The following SMU1 variants were observed in gnomAD, a reference collection of about 807,000 sequenced individuals.
SMU1 encodes SMU1 DNA replication regulator and spliceosomal factor, also known as WD40 repeat-containing protein SMU1.
A neutral mutation model predicts 62.0 loss-of-function variants in SMU1; 2 were observed. The ratio of observed to expected loss-of-function variants is 0.03; its 90% CI spans 0.01 to 0.10. The LOEUF is 0.10. Among genes scored for constraint, SMU1 ranks in the 10% least tolerant of loss-of-function variants. The pLI, the probability that SMU1 is intolerant of heterozygous loss-of-function variation, is 1.00. For missense variants in SMU1, 227 were observed against 622.1 expected, an observed-to-expected ratio of 0.36 and a Z score of 6.76; for synonymous variants, 188 against 212.4, an observed-to-expected ratio of 0.89 and a Z score of 1.00.
At chr9:33,075,471 C>A (rs1839535894) in intron 1 of SMU1, among the ~76,000 whole-genome samples, 1 of 152,116 alleles carries the variant, frequency 6.6e-6, no homozygotes, top group Non-Finnish European at 1.5e-5. Context: ...ACTTAGACCC[C>A]TGTTATTCTG....
rs546369765 is a variant in SMU1, at chr9:33,063,397, AATAAT to A, written c.502-1225_502-1221del. Reference sequence around the variant, plus strand: ...GCCTAATTCATAGAGGATAAAACAAAATAATATAAGTGAAGCCTGTATAATAAGCA... The same window carrying A: ...GCCTAATTCATAGAGGATAAAACAAAATAAGTGAAGCCTGTATAATAAGCA... On this transcript the variant is annotated intron_variant, in intron 4 of 11. Coordinates refer to ENST00000397149, the MANE Select transcript of SMU1 (RefSeq NM_018225.3). Among the ~76,000 whole-genome samples the A allele has an allele frequency of 3.3e-3, 505 of 152,324 alleles. 1 individual carries two copies. The highest frequency in any genetic ancestry group is 0.011 in the African/African-American group (476 of 41,580).
intron 4 of SMU1, among the ~76,000 whole-genome samples, chr9:33,063,837 T>G (rs1839390643): frequency 1.3e-5 from 2 of 151,614 alleles, no homozygotes; most frequent in Non-Finnish European, 2.9e-5. Flanking sequence ...GAAACCAGTC[T>G]TTGGTGCCAA....
Position 33,062,159 on chromosome 9 carries a change from G to A in SMU1, c.520C>T (p.His174Tyr). The part of the protein sequence containing the change: ...LLGQALKWQQ[H>Y]QGLLPPGMTI... ...ATACCAGGAGGAAGCAATCCCTGATGCTGCTGCCACTTCAGTGCCTATGAG... is the reference window on the plus strand; with the variant it reads ...ATACCAGGAGGAAGCAATCCCTGATACTGCTGCCACTTCAGTGCCTATGAG... Residue 174 changes from histidine to tyrosine, a missense_variant, in exon 5 of 12, where the codon CAT (histidine) becomes TAT (tyrosine). Physicochemically the swap from His to Tyr is moderately conservative, Grantham distance 83 (BLOSUM62 2). Around this residue, in one of 5 missense-constraint regions of SMU1, gnomAD observed 99 missense variants for 270.3 expected, o/e 0.37. Coordinates refer to ENST00000397149, the MANE Select transcript of SMU1 (RefSeq NM_018225.3). 1.2e-6 allele frequency: 2 copies of A among 1,613,450 alleles called. No individual in the cohort carries two copies. Among genetic ancestry groups the A allele is most frequent in the Non-Finnish European group, 1.7e-6 (2 of 1,179,702 alleles).
rs1564017788 is a variant in SMU1 at position 33,044,260 on chromosome 9, C to G, written c.*3033G>C. 6.6e-6 allele frequency: 1 copy of G among 152,456 alleles called. No homozygotes were observed. Among genetic ancestry groups the G allele is most frequent in the Non-Finnish European group, 1.5e-5 (1 of 68,092 alleles). 9.4% of individuals were successfully genotyped at this position (152,456 alleles called of 1,614,324 possible). A position where few individuals can be genotyped will look rare whatever the true frequency, so the allele number is the denominator to read the frequency against. On this transcript the variant is annotated 3_prime_UTR_variant, in exon 12 of 12. Coordinates refer to ENST00000397149, the MANE Select transcript of SMU1 (RefSeq NM_018225.3). Reference sequence around the variant, plus strand: ...GAGCACTGATTCCCGGCAGCCAACTCCCGTTCGCGCAGCCGCTGCCACCGG... The same window carrying G: ...GAGCACTGATTCCCGGCAGCCAACTGCCGTTCGCGCAGCCGCTGCCACCGG...
chr9:33,062,452 T>C (rs1839373698), intron 4 of SMU1, among the ~76,000 whole-genome samples: 1 of 152,140 alleles, frequency 6.6e-6, no homozygotes, highest in Admixed American at 6.6e-5. Flanking sequence ...TAAACAAAAC[T>C]TGGAAAACAA....
At chr9:33,072,364 C>T (rs1490834478) in intron 2 of SMU1, among the ~76,000 whole-genome samples, 1 of 151,966 alleles carries the variant, frequency 6.6e-6, no homozygotes. Context: ...AATTTCAATC[C>T]TTCAAACTCT....
chr9:33,074,811 G>A (rs954962265), intron 1 of SMU1, among the ~76,000 whole-genome samples: 7 of 142,492 alleles, frequency 4.9e-5, no homozygotes, highest in African/African-American at 1.3e-4. Context: ...CACTTGCATC[G>A]CTCAGGCTGG....
rs1443896215 is a variant in SMU1 at position 33,042,519 on chromosome 9, C to G, written c.*4774G>C. 1 of 152,206 alleles carries G rather than the reference C, an allele frequency of 6.6e-6. No individual in the cohort carries two copies. The highest frequency in any genetic ancestry group is 2.4e-5 in the African/African-American group (1 of 41,436). 9.4% of individuals were successfully genotyped at this position (152,206 alleles called of 1,614,324 possible). On this transcript the variant is annotated 3_prime_UTR_variant, in exon 12 of 12. Coordinates refer to ENST00000397149, the MANE Select transcript of SMU1 (RefSeq NM_018225.3). Reference sequence around the variant, plus strand: ...GCCAATTATGTCGCTTGAGAGTGCTCTTGGAACAGTGGCAAATTTTCTGTA... The same window carrying G: ...GCCAATTATGTCGCTTGAGAGTGCTGTTGGAACAGTGGCAAATTTTCTGTA...
At chr9:33,050,447 T>C (rs1587706011) in intron 10 of SMU1, among the ~76,000 whole-genome samples, 1 of 151,950 alleles carries the variant, frequency 6.6e-6, no homozygotes, top group Non-Finnish European at 1.5e-5. Context: ...ATAGCAGCTT[T>C]ACTCATAATT....
intron 4 of SMU1, among the ~76,000 whole-genome samples, chr9:33,066,831 T>C (rs997494860): frequency 7.3e-5 from 11 of 151,120 alleles, no homozygotes; most frequent in Non-Finnish European, 1.3e-4. Context: ...CTGAGGAATC[T>C]ATAAATAAGA....
Position 33,073,738 on chromosome 9 carries a change from T to G in SMU1, c.95A>C (p.Glu32Ala). 6.2e-7 allele frequency: 1 copy of G among 1,614,202 alleles called. No individual in the cohort carries two copies. The highest frequency in any genetic ancestry group is 8.5e-7 in the Non-Finnish European group (1 of 1,180,008). Reference protein sequence around the residue: ...SLHRALATLQEETTVSLNTVD... With the variant: ...SLHRALATLQAETTVSLNTVD... ...AGTATTCAGAGACACAGTAGTCTCC[T>G]CCTGCAAGGTGGCTAACGCCCGATG... The change falls in exon 2 of 12, where the codon GAG (glutamate) becomes GCG (alanine). Residue 32 changes from glutamate (E) to alanine (A), a missense_variant. Glu to Ala is a moderately radical substitution (Grantham distance 107). This residue lies in a region of SMU1 where 99 missense variants were observed against 270.3 expected (regional missense o/e 0.37). Coordinates refer to ENST00000397149, the MANE Select transcript of SMU1 (RefSeq NM_018225.3).
At chr9:33,060,424 A>G in intron 6 of SMU1, 41 bp downstream of exon 6, 1 of 1,556,534 alleles carries the variant, frequency 6.4e-7, no homozygotes, top group Non-Finnish European at 8.7e-7. Context: ...AAAGCAGGTA[A>G]TTTTTCCACT....
At chr9:33,057,356 C>T (rs1371658280) in intron 7 of SMU1, among the ~76,000 whole-genome samples, 2 of 152,104 alleles carry the variant, frequency 1.3e-5, no homozygotes, top group Non-Finnish European at 2.9e-5. Flanking sequence ...ATAGAAAGGG[C>T]ATAAGCAGAT....
chr9:33,076,457 T>G, intron 1 of SMU1, 126 bp downstream of exon 1: 1 of 1,180,400 alleles, frequency 8.5e-7, no homozygotes, highest in Non-Finnish European at 1.2e-6. Context: ...AGATGCTTCT[T>G]TGGGGGCAAG....
chr9:33,048,019 A>G, intron 11 of SMU1, 87 bp downstream of exon 11: 1 of 1,237,286 alleles, frequency 8.1e-7, no homozygotes, highest in Non-Finnish European at 1.1e-6. Context: ...TCACATCGAT[A>G]GCTCTGGAAA....
In SMU1 at chr9:33,058,566, T is replaced by C. The variant is rs570870348; in HGVS notation, c.751-852A>G. 3.9e-5 allele frequency among the ~76,000 whole-genome samples: 6 copies of C among 152,196 alleles called. No individual in the cohort carries two copies. The South Asian group carries it at 8.3e-4, about 21-fold the overall frequency. On this transcript the variant is annotated intron_variant, in intron 6 of 11. Transcript: ENST00000397149. ...TCCTGACTTCAAGTGACCTATCAAC[T>C]TCAGCCTCCCAAAGTGCTGGGATTA...
At chr9:33,059,332 C>T (rs1229661872) in intron 6 of SMU1, among the ~76,000 whole-genome samples, 2 of 151,844 alleles carry the variant, frequency 1.3e-5, no homozygotes, top group Non-Finnish European at 2.9e-5. Flanking sequence ...CTGGCTGGCC[C>T]AAGGAAGGCA....
At chr9:33,067,271 G>A (rs765024546) in intron 4 of SMU1, among the ~76,000 whole-genome samples, 10 of 122,120 alleles carry the variant, frequency 8.2e-5, no homozygotes, top group African/African-American at 1.3e-4. Context: ...ATCATTTTTC[G>A]CTGAAGAAAG....
intron 4 of SMU1, among the ~76,000 whole-genome samples, chr9:33,066,689 C>G (rs963138445): frequency 6.6e-6 from 1 of 151,874 alleles, no homozygotes; most frequent in Non-Finnish European, 1.5e-5. Context: ...ACCTGTGGTC[C>G]CAGCTACTCG....
Sources: allele counts gnomAD v4.1 joint callset (sites outside exome capture counted in the v4.1 genomes callset), GRCh38; gene constraint gnomAD v4.1.1; regional missense constraint gnomAD v4.1.1; transcripts MANE v1.5; gene names NCBI Gene and HGNC (gene_info 2026-07-23, HGNC 2026-07-21).